The following HDAC5 variants were observed in gnomAD, a reference collection of about 807,000 sequenced individuals.
HDAC5 encodes antigen NY-CO-9.
HDAC5 carries 25 observed loss-of-function variants against 133.3 expected under a neutral mutation model. The ratio of observed to expected loss-of-function variants is 0.19; its 90% confidence interval spans 0.14 to 0.26. The LOEUF (loss-of-function observed/expected upper bound fraction) is 0.26. Among genes scored for constraint, HDAC5 ranks in the 10% least tolerant of loss-of-function variants. The pLI is 1.00. For synonymous variants in HDAC5, 589 were observed against 610.8 expected, an observed-to-expected ratio of 0.96 and a Z score of 0.53; for missense variants, 1,041 against 1,460.5, an observed-to-expected ratio of 0.71 and a Z score of 4.68.
intron 3 of HDAC5, among the ~76,000 whole-genome samples, chr17:44,108,957 G>A (rs577088973): frequency 2.0e-5 from 3 of 152,140 alleles, no homozygotes; most frequent in South Asian, 2.1e-4. Flanking sequence ...AGCGTTGGGG[G>A]TGGAGTGGGG....
In HDAC5 at chr17:44,117,859, C is replaced by T. The variant is rs369694988; in HGVS notation, c.-189-155G>A. ...GGAGAAATCTGCAGAACTGGATAGA[C>T]CCTGGTTTCTTATCTTACTAACTGA... On this transcript the variant is annotated intron_variant, in intron 1 of 26. Transcript: ENST00000682912. This position sits in a 1 kb window ranked among gnomAD's most constrained non-coding sequence, Gnocchi z 4.2. Among the ~76,000 whole-genome samples the T allele has an allele frequency of 2.5e-3, 386 of 152,248 alleles. 18 individuals are homozygous for T. The South Asian group carries it at 0.077, about 30-fold the overall frequency.
chr17:44,114,705 C>T (rs1464846320), intron 2 of HDAC5, among the ~76,000 whole-genome samples: 1 of 152,212 alleles, frequency 6.6e-6, no homozygotes, highest in African/African-American at 2.4e-5. Context: ...GGCAGCTCCT[C>T]CAACCTGGTT....
intron 3 of HDAC5, among the ~76,000 whole-genome samples, chr17:44,098,237 G>A (rs1280002462): frequency 6.6e-6 from 1 of 152,222 alleles, no homozygotes; most frequent in East Asian, 1.9e-4. Context: ...AAGGATCTGT[G>A]CCCTCTGCCA....
Position 44,093,582 on chromosome 17 carries a change from T to G in HDAC5, c.347A>C (p.His116Pro). 1 of 1,606,992 alleles carries G rather than the reference T, an allele frequency of 6.2e-7. No homozygotes were observed. The highest frequency in any genetic ancestry group is 8.5e-7 in the Non-Finnish European group (1 of 1,176,234). ...CGCACCCCCCTCGCTCACCTTGAGG[T>G]GCTTCTGCAGCTGGACCTCATGCTG... ...TRQHEVQLQK[H>P]LKQQQEMLAA... is the part of the protein sequence containing the mutation. The change falls in exon 4 of 27, where the codon CAC becomes CCC. Residue 116 changes from histidine to proline, a missense_variant. His to Pro is a moderately conservative substitution (Grantham distance 77, BLOSUM62 -2). This residue lies in a region of HDAC5 where 109 missense variants were observed against 168.0 expected (regional missense o/e 0.65). Coordinates refer to ENST00000682912, the MANE Select transcript of HDAC5 (RefSeq NM_005474.5).
At chr17:44,113,485 T>C (rs1458947388) in intron 2 of HDAC5, among the ~76,000 whole-genome samples, 1 of 152,192 alleles carries the variant, frequency 6.6e-6, no homozygotes, top group African/African-American at 2.4e-5. Context: ...CTTTTTTTCT[T>C]CTGAGATTCA....
intron 20 of HDAC5, 36 bp from the exon 21 acceptor site, chr17:44,080,918 C>G (rs372734411): frequency 1.2e-6 from 2 of 1,613,758 alleles, no homozygotes; most frequent in Non-Finnish European, 1.7e-6. Context: ...GAAAATGGCC[C>G]GCGCTCTGAC....
intron 15 of HDAC5, 24 bp from the exon 16 acceptor site, chr17:44,084,699 G>T: frequency 6.2e-7 from 1 of 1,612,860 alleles, no homozygotes; most frequent in Non-Finnish European, 8.5e-7. Flanking sequence ...CAGTAAGAGG[G>T]GTCACACAAA....
At chr17:44,079,437 C>T (rs555634654) in intron 23 of HDAC5, 160 bp from the exon 24 acceptor site, 34 of 598,600 alleles carry the variant, frequency 5.7e-5, no homozygotes, top group East Asian at 4.1e-4. Context: ...GTCAGGAGTT[C>T]GAGACCAGCC....
chr17:44,116,523 AG>A (rs2052654093), intron 2 of HDAC5, among the ~76,000 whole-genome samples: 3 of 152,212 alleles, frequency 2.0e-5, no homozygotes, highest in Admixed American at 2.0e-4. Context: ...TATTCATCCT[AG>A]GCCCCAATTG....
At chr17:44,097,585 G>C (rs2051347814) in intron 3 of HDAC5, among the ~76,000 whole-genome samples, 1 of 152,262 alleles carries the variant, frequency 6.6e-6, no homozygotes, top group African/African-American at 2.4e-5. Flanking sequence ...GAAGTGCTCA[G>C]CAAGGCCCTG....
chr17:44,108,571 C>T (rs925274486), intron 3 of HDAC5, among the ~76,000 whole-genome samples: 1 of 151,802 alleles, frequency 6.6e-6, no homozygotes, highest in African/African-American at 2.4e-5. Flanking sequence ...TGGACACCTG[C>T]TTTTTCAGCC....
rs2144178324 is a variant in HDAC5 at position 44,078,233 on chromosome 17, G to T, written c.*143C>A. On this transcript the variant is annotated 3_prime_UTR_variant, in exon 27 of 27. Transcript: ENST00000682912. ...TGAGGTGGAAGCCACAGGGCTGGGG[G>T]CCTGAGGCAGCGTAGAGGAGCAGGA... 1 of 802,614 alleles carries T rather than the reference G, an allele frequency of 1.2e-6. No homozygotes were observed. The highest frequency in any genetic ancestry group is 1.9e-6 in the Non-Finnish European group (1 of 538,138). The allele number at this position is 802,614 out of a possible 1,614,324, so 49.7% of individuals were successfully genotyped here. A position where few individuals can be genotyped will look rare whatever the true frequency, so the allele number is the denominator to read the frequency against.
chr17:44,120,733 C>G (rs1474108834), intron 1 of HDAC5: 3 of 150,162 alleles, frequency 2.0e-5, no homozygotes, highest in Non-Finnish European at 4.4e-5. Context: ...AAGAGTGAAT[C>G]TCCATCTCAA....
intron 3 of HDAC5, among the ~76,000 whole-genome samples, chr17:44,108,763 AAAAAAAAAAC>A (rs1415129980): frequency 0.025 from 688 of 27,010 alleles, 9 homozygotes; most frequent in African/African-American, 0.039. Context: ...AAAAAAAAAC[AAAAAAAAAAC>A]AAAAAAAAAA....
In HDAC5 at chr17:44,082,269, C is replaced by T. The variant is rs12452334; in HGVS notation, c.2607+316G>A. On this transcript the variant is annotated intron_variant, in intron 20 of 26. Coordinates refer to ENST00000682912, the MANE Select transcript of HDAC5 (RefSeq NM_005474.5). ...AATTGTAGGGGGTGGGAGGAAATAT[C>T]GGCTACTAGCAATGGCGGCAGCGTC... The T allele has an allele frequency of 3.0e-3, 1,172 of 390,788 alleles. 12 individuals carry two copies. Among genetic ancestry groups the T allele is most frequent in the African/African-American group, 0.022 (1,074 of 49,896 alleles). The allele number at this position is 390,788 out of a possible 1,614,324, so 24.2% of individuals were successfully genotyped here.
rs1295114340 is a variant in HDAC5 at position 44,117,590 on chromosome 17, GAGACAGACGATAAC to G, written c.-89_-76del. On this transcript the variant is annotated 5_prime_UTR_variant, in exon 2 of 27. The change abolishes the stop of an existing upstream ORF in the 5' untranslated region. Transcript: ENST00000682912. This position sits in a 1 kb window ranked among gnomAD's most constrained non-coding sequence, Gnocchi z 4.2. ...GGGTGGAGCTGCGGTGATGTCAAGA[GAGACAGACGATAAC>G]AGACAGACGGACGGGACGGGAGCCC... The G allele has an allele frequency of 1.6e-5, 25 of 1,540,708 alleles. No homozygotes were observed. The highest frequency in any genetic ancestry group is 2.7e-5 in the African/African-American group (2 of 73,606).
At position 44,093,391 on chromosome 17, in the gene HDAC5, T is replaced by C. The variant is rs752275402; in HGVS notation, c.449A>G (p.Gln150Arg). Residue 150 changes from glutamine to arginine, a missense_variant, in exon 5 of 27, where the codon CAG (glutamine) becomes CGG (arginine). Gln to Arg is a conservative substitution (Grantham distance 43). Coordinates refer to ENST00000682912, the MANE Select transcript of HDAC5 (RefSeq NM_005474.5). ...CTGCTTCTCCAGCTCTTCCTGCCGC[T>C]GCTGCTCCCGCTGCCGCTGCTGCTC... The part of the protein sequence containing the change: ...ELEQQRQREQ[Q>R]RQEELEKQRL... 44 of 1,589,760 alleles carry C rather than the reference T, an allele frequency of 2.8e-5. No homozygotes were observed. In the East Asian group the frequency reaches 9.5e-4, roughly 34 times the overall value.
At chr17:44,083,060 C>T (rs1212598233) in intron 18 of HDAC5, among the ~76,000 whole-genome samples, 2 of 152,106 alleles carry the variant, frequency 1.3e-5, no homozygotes, top group Non-Finnish European at 2.9e-5. Flanking sequence ...CTCACTACAA[C>T]CTTGGCCTCC....
chr17:44,078,817 T>C lies in HDAC5; in HGVS notation c.3141A>G (p.Leu1047=). The change falls in exon 25 of 27, where the codon CTA becomes CTG. Residue 1047 remains leucine (L), a synonymous_variant. Transcript: ENST00000682912. ...QKPNINAVAT[L]EKVIEIQSKH... is the part of the protein sequence containing the mutation. ...CACTCTGGATCTCGATGACTTTCTC[T>C]AGCGTGGCCACTGCGTTGATGTTGG... The C allele has an allele frequency of 6.2e-7, 1 of 1,614,140 alleles. No homozygotes were observed. Among genetic ancestry groups the C allele is most frequent in the Non-Finnish European group, 8.5e-7 (1 of 1,180,002 alleles).
Sources: gnomAD v4.1 joint callset for allele counts (sites outside exome capture counted in the v4.1 genomes callset) on GRCh38, gnomAD v4.1.1 for gene constraint, gnomAD v4.1.1 regional missense constraint, Gnocchi (gnomAD v3.1) non-coding constraint, MANE v1.5 for transcripts, NCBI Gene and HGNC (gene_info 2026-07-23, HGNC 2026-07-21) for gene names.